PZP: variants seen among roughly 807,000 people sequenced by gnomAD.
PZP encodes the protein pregnancy zone protein.
In PZP, 150 loss-of-function variants were observed where a neutral mutation model predicts 179.8. The ratio of observed to expected loss-of-function variants is 0.83; its 90% CI spans 0.73 to 0.96. The LOEUF is 0.96. Ranked by LOEUF, PZP falls within the 40% of genes least tolerant of loss-of-function variation. PZP has a pLI of 0.00. For missense variants in PZP, 1,689 were observed against 1,764.0 expected (o/e 0.96, Z 0.76); for synonymous variants, 624 against 652.3 (o/e 0.96, Z 0.66).
Position 9,164,224 on chromosome 12 carries a change from T to C in PZP, c.2523A>G (p.Leu841=), listed in dbSNP as rs759370690. 1 of 1,612,800 alleles carries C rather than the reference T, an allele frequency of 6.2e-7. No homozygotes were observed. The highest frequency in any genetic ancestry group is 1.1e-5 in the South Asian group (1 of 91,050). ...CTTCTCCCTTTGTATTTTGGGAAGC[T>C]AGGAAGGCTGGAGAGGCTTTCAGCT... is the stretch of plus-strand genomic sequence containing the variant. ...SVQLKASPAF[L]ASQNTKGEES... The change falls in exon 20 of 36, where the codon CTA becomes CTG. Residue 841 remains leucine, a synonymous_variant. Coordinates refer to ENST00000261336, the MANE Select transcript of PZP (RefSeq NM_002864.3).
chr12:9,160,354 C>A lies in PZP; in HGVS notation c.3009G>T (p.Thr1003=), dbSNP rs771803139. Residue 1003 remains threonine, a synonymous_variant, in exon 24 of 36, where the codon ACG becomes ACT. Coordinates refer to ENST00000261336, the MANE Select transcript of PZP (RefSeq NM_002864.3). ...CAACGGCCTTGGCCTTGATCTCCTG[C>A]GTCAGCTGCTGGGTTTCATTCAGAT... The part of the protein sequence containing the change: ...LNYLNETQQL[T]QEIKAKAVGY... The A allele has an allele frequency of 1.2e-6, 2 of 1,614,096 alleles. No homozygotes were observed. The highest frequency in any genetic ancestry group is 4.5e-5 in the East Asian group (2 of 44,876).
chr12:9,162,247 C>T, intron 22 of PZP: 1 of 182,704 alleles, frequency 5.5e-6, no homozygotes, highest in Non-Finnish European at 1.1e-5. Context: ...CAAATGTGAG[C>T]CACCACACCC....
intron 34 of PZP, among the ~76,000 whole-genome samples, chr12:9,149,912 C>T (rs922972962): frequency 3.3e-5 from 5 of 152,132 alleles, no homozygotes; most frequent in Admixed American, 2.6e-4. Context: ...TCACTTTGTT[C>T]AGCTTGCTCC....
At chr12:9,145,424 T>G (rs1237327697), downstream of PZP, among the ~76,000 whole-genome samples, 1 of 152,196 alleles carries the variant, frequency 6.6e-6, no homozygotes, top group Non-Finnish European at 1.5e-5. Context: ...ACAACTTCAG[T>G]TTAATCACAT....
chr12:9,187,263 A>G (rs1256081902), intron 13 of PZP, among the ~76,000 whole-genome samples: 3 of 152,130 alleles, frequency 2.0e-5, no homozygotes, highest in Non-Finnish European at 2.9e-5. Context: ...TCAACACTCC[A>G]CAGACAGTAT....
At position 9,152,846 on chromosome 12, in the gene PZP, A is replaced by G. The variant is rs775330581; in HGVS notation, c.4099T>C (p.Phe1367Leu). The change falls in exon 31 of 36, where the codon TTT (phenylalanine) becomes CTT (leucine). Residue 1367 changes from phenylalanine to leucine, a missense_variant. By Grantham distance (22) the Phe-to-Leu change is conservative. This residue lies in a region of PZP where 746 missense variants were observed against 749.2 expected (regional missense o/e 1.00). Transcript: ENST00000261336. ...TACCTGATGGTCAGTGAGATCTGAA[A>G]GCTGGTGTGGGCTTTGTGTCCATCG... ...TCDGHKAHTS[F>L]QISLTISYTG... 6.2e-7 allele frequency: 1 copy of G among 1,614,118 alleles called. No homozygotes were observed. The highest frequency in any genetic ancestry group is 8.5e-7 in the Non-Finnish European group (1 of 1,179,976).
intron 15 of PZP, among the ~76,000 whole-genome samples, chr12:9,171,166 T>G (rs1565639780): frequency 6.6e-6 from 1 of 152,222 alleles, no homozygotes; most frequent in Middle Eastern, 3.2e-3. Context: ...CCATCTTTGC[T>G]GTTTCATGGC....
At position 9,157,603 on chromosome 12, in the gene PZP, A is replaced by G. The variant is rs771371868; in HGVS notation, c.3369+164T>C. Among the ~76,000 whole-genome samples, 4 of 152,368 alleles carry G rather than the reference A, an allele frequency of 2.6e-5. No homozygotes were observed. In the South Asian group the frequency reaches 8.3e-4, roughly 32 times the overall value. ...ACATAGTCTATGGGCATTACTGGGC[A>G]AGTGTAAATCTCTCTTAATGCATCA... On this transcript the variant is annotated intron_variant, in intron 27 of 35. Coordinates refer to ENST00000261336, the MANE Select transcript of PZP (RefSeq NM_002864.3).
intron 25 of PZP, 68 bp from the exon 26 acceptor site, chr12:9,158,644 C>T: frequency 6.7e-7 from 1 of 1,487,414 alleles, no homozygotes. Context: ...GTTTTGTACA[C>T]ACAGGCTCCC....
chr12:9,178,673 A>G (rs1204720676), intron 15 of PZP, among the ~76,000 whole-genome samples: 3 of 152,352 alleles, frequency 2.0e-5, no homozygotes, highest in South Asian at 4.1e-4. Context: ...ACAGCACGCG[A>G]TAAGTGCTTT....
Position 9,201,018 on chromosome 12 carries a change from G to C in PZP, c.544C>G (p.Leu182Val). 6.2e-7 allele frequency: 1 copy of C among 1,614,120 alleles called. No homozygotes were observed. The highest frequency in any genetic ancestry group is 8.5e-7 in the Non-Finnish European group (1 of 1,179,984). The change falls in exon 6 of 36, where the codon CTA becomes GTA. Residue 182 changes from leucine (L) to valine (V), a missense_variant. Transcript: ENST00000261336. ...NRIAQWQSLK[L>V]EAGINQLSFP... Reference sequence around the variant, plus strand: ...GACAACTGATTGATGCCAGCTTCTAGCTTGAGACTCTGCCATTGTGCAATT... The same window carrying C: ...GACAACTGATTGATGCCAGCTTCTACCTTGAGACTCTGCCATTGTGCAATT...
intron 28 of PZP, among the ~76,000 whole-genome samples, chr12:9,155,510 G>A (rs1476403610): frequency 6.8e-6 from 1 of 147,700 alleles, no homozygotes; most frequent in Non-Finnish European, 1.5e-5. Context: ...TGTTGTTGTT[G>A]TTTTTGTACT....
chr12:9,177,374 C>T (rs1052572657), intron 15 of PZP, among the ~76,000 whole-genome samples: 1 of 152,192 alleles, frequency 6.6e-6, no homozygotes, highest in African/African-American at 2.4e-5. Flanking sequence ...GCAGATCTTC[C>T]AACCTCTGTC....
chr12:9,154,068 C>T (rs937276753), intron 29 of PZP, among the ~76,000 whole-genome samples: 1 of 152,148 alleles, frequency 6.6e-6, no homozygotes, highest in African/African-American at 2.4e-5. Flanking sequence ...CCAAAAAGAT[C>T]AAAGTGGATT....
chr12:9,163,672 A>T lies in PZP; in HGVS notation c.2732T>A (p.Val911Glu). The T allele has an allele frequency of 6.2e-7, 1 of 1,613,118 alleles. No individual in the cohort carries two copies. Among genetic ancestry groups the T allele is most frequent in the Admixed American group, 1.7e-5 (1 of 59,842 alleles). Residue 911 changes from valine to glutamate, a missense_variant, in exon 21 of 36, where the codon GTG becomes GAG. This residue lies in a region of PZP where 746 missense variants were observed against 749.2 expected (regional missense o/e 1.00). Transcript: ENST00000261336. ...GGACTCCCAAAAATATGTTACCTCC[A>T]CCAACAGGGTTTTGATGACTGTGTC... ...RKDTVIKTLL[V>E]EAEGIEQEKT... is the part of the protein sequence containing the mutation.
At position 9,162,662 on chromosome 12, in the gene PZP, A is replaced by C; in HGVS notation, c.2737-14T>G. ...AATACCTTCAGCCTTGGATGAAAGGAAAGAAAAGGAGAAAAGATAGAAACA... is the reference window on the plus strand; with the variant it reads ...AATACCTTCAGCCTTGGATGAAAGGCAAGAAAAGGAGAAAAGATAGAAACA... On this transcript the variant is annotated splice_polypyrimidine_tract_variant and intron_variant, in intron 21 of 35. Coordinates refer to ENST00000261336, the MANE Select transcript of PZP (RefSeq NM_002864.3). 6.4e-7 allele frequency: 1 copy of C among 1,573,872 alleles called. No individual in the cohort carries two copies. Among genetic ancestry groups the C allele is most frequent in the South Asian group, 1.1e-5 (1 of 89,402 alleles).
At chr12:9,183,660 A>C (rs900706066) in intron 13 of PZP, among the ~76,000 whole-genome samples, 2 of 152,172 alleles carry the variant, frequency 1.3e-5, no homozygotes, top group African/African-American at 4.8e-5. Context: ...AAATGCTGCA[A>C]TTACAGGCAG....
the PZP span, among the ~76,000 whole-genome samples, chr12:9,142,645 ACAGACAAC>A: frequency 1.3e-5 from 2 of 152,192 alleles, no homozygotes; most frequent in Non-Finnish European, 2.9e-5. Context: ...ATATAGCCAC[ACAGACAAC>A]CAGAAGAAAA....
At chr12:9,150,555 G>T in intron 34 of PZP, 89 bp downstream of exon 34, 2 of 851,026 alleles carry the variant, frequency 2.4e-6, no homozygotes, top group South Asian at 1.6e-5. Flanking sequence ...GATTAATGTT[G>T]ACTAAGTGGG....
Sources: gnomAD v4.1 joint callset for allele counts (sites outside exome capture counted in the v4.1 genomes callset) on GRCh38, gnomAD v4.1.1 for gene constraint, gnomAD v4.1.1 regional missense constraint, MANE v1.5 for transcripts, NCBI Gene and HGNC (gene_info 2026-07-23, HGNC 2026-07-21) for gene names.